The following SLCO1B1 variants were observed in gnomAD, a reference collection of about 807,000 sequenced individuals.
The protein encoded by SLCO1B1 is OATP-2.
In SLCO1B1, 81 loss-of-function variants were observed where a neutral mutation model predicts 70.1. That is an observed-to-expected ratio of 1.16 (90% CI 0.97 to 1.39). The LOEUF is 1.39. Ranked by LOEUF, SLCO1B1 falls within the 40% of genes most tolerant of loss-of-function variation. The pLI, the probability that SLCO1B1 is intolerant of heterozygous loss-of-function variation, is 0.00. For synonymous variants in SLCO1B1, 283 were observed against 271.5 expected, an observed-to-expected ratio of 1.04 and a Z score of -0.42; for missense variants, 895 against 799.6, an observed-to-expected ratio of 1.12 and a Z score of -1.44.
chr12:21,137,954 C>T (rs1181575495), intron 1 of SLCO1B1, among the ~76,000 whole-genome samples: 1 of 152,170 alleles, frequency 6.6e-6, no homozygotes, highest in Non-Finnish European at 1.5e-5. Flanking sequence ...TAGACCAGAG[C>T]TGTTCCTATT....
intron 2 of SLCO1B1, 79 bp downstream of exon 2, chr12:21,141,737 G>T: frequency 2.5e-6 from 2 of 808,382 alleles, no homozygotes; most frequent in Non-Finnish European, 4.1e-6. Flanking sequence ...TTGTTAAAAA[G>T]AACATTATGT....
At chr12:21,136,156 G>A (rs1346148338) in intron 1 of SLCO1B1, among the ~76,000 whole-genome samples, 1 of 152,096 alleles carries the variant, frequency 6.6e-6, no homozygotes, top group African/African-American at 2.4e-5. Flanking sequence ...TTGAATATTG[G>A]TCCCCACTCT....
intron 11 of SLCO1B1, among the ~76,000 whole-genome samples, chr12:21,208,958 T>A (rs1363148853): frequency 6.6e-6 from 1 of 152,082 alleles, no homozygotes; most frequent in African/African-American, 2.4e-5. Flanking sequence ...GCTACTAATT[T>A]TTTTCCATTG....
chr12:21,206,020 A>G lies in SLCO1B1; in HGVS notation c.1484A>G (p.Asn495Ser). 1 of 1,611,796 alleles carries G rather than the reference A, an allele frequency of 6.2e-7. No homozygotes were observed. The highest frequency in any genetic ancestry group is 1.7e-4 in the Middle Eastern group (1 of 6,044). ...CLAGCKSSSGNKKPIVFYNCS... is the reference protein window; with the variant it reads ...CLAGCKSSSGSKKPIVFYNCS... ...GCAGGTTGCAAATCTTCAAGTGGCA[A>G]TAAAAAGCCTATAGTGAGTATTAGT... Residue 495 changes from asparagine (N) to serine (S), a missense_variant, in exon 11 of 15, where the codon AAT becomes AGT. Transcript: ENST00000256958.
chr12:21,237,235 G>A (rs372818758), intron 14 of SLCO1B1, among the ~76,000 whole-genome samples: 1 of 151,966 alleles, frequency 6.6e-6, no homozygotes, highest in East Asian at 1.9e-4. Flanking sequence ...TGACCTATAT[G>A]AGTCTCTCTA....
chr12:21,210,685 C>T (rs2121165358), intron 11 of SLCO1B1, among the ~76,000 whole-genome samples: 1 of 148,776 alleles, frequency 6.7e-6, no homozygotes. Context: ...ATTCTTCCTA[C>T]CCATGAGCAT....
intron 11 of SLCO1B1, among the ~76,000 whole-genome samples, chr12:21,213,329 A>G (rs1277574528): frequency 6.6e-6 from 1 of 151,878 alleles, no homozygotes; most frequent in Non-Finnish European, 1.5e-5. Flanking sequence ...TATGAAGCTT[A>G]GTTTGGCTGG....
At chr12:21,229,575 A>T (rs1391108153) in intron 14 of SLCO1B1, among the ~76,000 whole-genome samples, 2 of 152,178 alleles carry the variant, frequency 1.3e-5, no homozygotes, top group African/African-American at 4.8e-5. Flanking sequence ...TTTATTGCTG[A>T]ATAATATTCC....
chr12:21,162,188 T>C (rs1200243044), intron 2 of SLCO1B1, among the ~76,000 whole-genome samples: 1 of 151,952 alleles, frequency 6.6e-6, no homozygotes, highest in African/African-American at 2.4e-5. Flanking sequence ...TACACTAATA[T>C]ATCCAACAAG....
intron 2 of SLCO1B1, among the ~76,000 whole-genome samples, chr12:21,152,410 AT>A (rs932471517): frequency 6.7e-6 from 1 of 148,576 alleles, no homozygotes; most frequent in East Asian, 2.0e-4. Flanking sequence ...AATTATATAT[AT>A]TTTTTTTCTT....
rs1005114537 is a variant in SLCO1B1 at position 21,186,619 on chromosome 12, C to A, written c.727+7599C>A. On this transcript the variant is annotated intron_variant, in intron 7 of 14. Coordinates refer to ENST00000256958, the MANE Select transcript of SLCO1B1 (RefSeq NM_006446.5). ...TAATGCAGATTGAGGTCTTCAGCTGCCCATTGTTTCAATACAAATGAATCC... is the reference window on the plus strand; with the variant it reads ...TAATGCAGATTGAGGTCTTCAGCTGACCATTGTTTCAATACAAATGAATCC... Among the ~76,000 whole-genome samples the A allele has an allele frequency of 2.6e-5, 4 of 151,844 alleles. No homozygotes were observed. The South Asian group carries it at 8.3e-4, about 31-fold the overall frequency.
chr12:21,150,708 C>T (rs1940460006), intron 2 of SLCO1B1, among the ~76,000 whole-genome samples: 1 of 152,104 alleles, frequency 6.6e-6, no homozygotes, highest in Admixed American at 6.5e-5. Context: ...ACATCAAAGA[C>T]CAAAGGTAGA....
rs1262731457 is a variant in SLCO1B1 at position 21,176,822 on chromosome 12, A to G, written c.406A>G (p.Thr136Ala). ...ETNINSSENS[T>A]STLSTCLINQ... is the part of the protein sequence containing the mutation. ...TAATATCAATTCATCAGAAAATTCAACATCGACCTTATCCACTTGTTTAAT... is the reference window on the plus strand; with the variant it reads ...TAATATCAATTCATCAGAAAATTCAGCATCGACCTTATCCACTTGTTTAAT... Residue 136 changes from threonine to alanine, a missense_variant, in exon 5 of 15, where the codon ACA (threonine) becomes GCA (alanine). Coordinates refer to ENST00000256958, the MANE Select transcript of SLCO1B1 (RefSeq NM_006446.5). The G allele has an allele frequency of 1.9e-6, 3 of 1,542,620 alleles. No homozygotes were observed. The highest frequency in any genetic ancestry group is 9.0e-7 in the Non-Finnish European group (1 of 1,115,362).
chr12:21,173,223 A>T (rs1369766716), intron 3 of SLCO1B1, among the ~76,000 whole-genome samples: 2 of 152,212 alleles, frequency 1.3e-5, no homozygotes, highest in Non-Finnish European at 2.9e-5. Context: ...TTCACTGAGC[A>T]CACAAAAATC....
At chr12:21,163,066 AC>A (rs1448874291) in intron 2 of SLCO1B1, among the ~76,000 whole-genome samples, 3 of 152,200 alleles carry the variant, frequency 2.0e-5, no homozygotes, top group Non-Finnish European at 1.5e-5. Context: ...AAGAATGGCA[AC>A]AATATACATC....
Position 21,217,165 on chromosome 12 carries a change from GA to G in SLCO1B1, c.1547del (p.Asn516IlefsTer28). 2 of 1,613,720 alleles carry G rather than the reference GA, an allele frequency of 1.2e-6. No homozygotes were observed. The highest frequency in any genetic ancestry group is 1.7e-6 in the Non-Finnish European group (2 of 1,179,742). Reference protein sequence around the residue: ...SCLEVTGLQNRNYSAHLGECP... With the variant: ...SCLEVTGLQNXNYSAHLGECP... ...TTGGAAGTAACTGGTCTCCAGAACA[GA>G]AATTACTCAGCCCATTTGGGTGAAT... On this transcript the variant is annotated frameshift_variant, in exon 12 of 15. Coordinates refer to ENST00000256958, the MANE Select transcript of SLCO1B1 (RefSeq NM_006446.5). LOFTEE classifies it high-confidence loss of function.
At position 21,202,518 on chromosome 12, in the gene SLCO1B1, G is replaced by A; in HGVS notation, c.1163G>A (p.Ser388Asn). Residue 388 changes from serine to asparagine, a missense_variant, in exon 10 of 15, where the codon AGT becomes AAT. Ser to Asn is a conservative substitution (Grantham distance 46). Coordinates refer to ENST00000256958, the MANE Select transcript of SLCO1B1 (RefSeq NM_006446.5). The part of the protein sequence containing the change: ...LGVITIPIFA[S>N]GMFLGGYIIK... Reference sequence around the variant, plus strand: ...GTCATAACCATACCTATTTTTGCAAGTGGAATGTTTTTAGGAGGATATATC... The same window carrying A: ...GTCATAACCATACCTATTTTTGCAAATGGAATGTTTTTAGGAGGATATATC... 6.2e-7 allele frequency: 1 copy of A among 1,605,822 alleles called. No homozygotes were observed. The highest frequency in any genetic ancestry group is 8.5e-7 in the Non-Finnish European group (1 of 1,177,048).
intron 12 of SLCO1B1, among the ~76,000 whole-genome samples, chr12:21,217,519 G>A (rs986425537): frequency 1.3e-5 from 2 of 151,870 alleles, no homozygotes; most frequent in Non-Finnish European, 2.9e-5. Context: ...GATTCCATAC[G>A]TTTCTTCTCT....
chr12:21,238,046 C>T (rs1367616400), intron 14 of SLCO1B1, among the ~76,000 whole-genome samples: 1 of 152,046 alleles, frequency 6.6e-6, no homozygotes, highest in African/African-American at 2.4e-5. Flanking sequence ...TCTTTTGCTC[C>T]TTTTCTCTTT....
Sources: gnomAD v4.1 joint callset for allele counts (sites outside exome capture counted in the v4.1 genomes callset) on GRCh38, gnomAD v4.1.1 for gene constraint, MANE v1.5 for transcripts, NCBI Gene and HGNC (gene_info 2026-07-23, HGNC 2026-07-21) for gene names.